Variants in TBXAS1 observed in about 807,000 individuals in gnomAD.
The protein encoded by TBXAS1 is thromboxane-A synthase.
In TBXAS1, 48 loss-of-function variants were observed where a neutral mutation model predicts 60.7. The ratio of observed to expected loss-of-function variants is 0.79; its 90% CI spans 0.63 to 1.01. The LOEUF (loss-of-function observed/expected upper bound fraction) is 1.01. Among genes scored for constraint, TBXAS1 ranks in the 50% least tolerant of loss-of-function variants. The probability of loss-of-function intolerance (pLI) is 0.00; values close to 1 mark genes in which losing one functional copy is unlikely to be tolerated. For missense variants in TBXAS1, 685 were observed against 686.3 expected (o/e 1.00, Z 0.02); for synonymous variants, 287 against 269.7 (o/e 1.06, Z -0.63).
At chr7:139,782,779 G>A (rs1213236628) in intron 3 of TBXAS1, 1 of 152,054 alleles carries the variant, frequency 6.6e-6, no homozygotes, top group African/African-American at 2.4e-5. Context: ...CTCTCTTTTG[G>A]TCTCTTGCTG....
At chr7:139,936,155 C>T (rs373742722) in intron 4 of TBXAS1, 36 bp from the exon 5 acceptor site, 2 of 1,611,266 alleles carry the variant, frequency 1.2e-6, no homozygotes, top group African/African-American at 2.7e-5. Flanking sequence ...CTTTGGCTCC[C>T]TGAGTCCTGA....
intron 2 of TBXAS1, among the ~76,000 whole-genome samples, chr7:139,873,708 A>T (rs949148610): frequency 7.2e-5 from 11 of 152,210 alleles, no homozygotes; most frequent in Admixed American, 6.5e-5. Flanking sequence ...GAAATGGCCA[A>T]CAGACATTTG....
intron 6 of TBXAS1, among the ~76,000 whole-genome samples, chr7:139,954,351 A>G (rs1389322384): frequency 6.6e-6 from 1 of 152,260 alleles, no homozygotes; most frequent in Non-Finnish European, 1.5e-5. Context: ...CTCATCAGCT[A>G]TAAAAGCAAA....
intron 9 of TBXAS1, among the ~76,000 whole-genome samples, chr7:139,996,011 T>C (rs897636657): frequency 7.2e-5 from 11 of 152,164 alleles, no homozygotes; most frequent in African/African-American, 2.7e-4. Context: ...TCTTCTTCAT[T>C]ATTATCATTA....
intron 4 of TBXAS1, among the ~76,000 whole-genome samples, chr7:139,790,625 A>C (rs1020426461): frequency 6.6e-6 from 1 of 152,232 alleles, no homozygotes; most frequent in African/African-American, 2.4e-5. Context: ...AACTAAATGA[A>C]TGTACATAGT....
At chr7:139,904,917 G>A (rs777395055) in intron 3 of TBXAS1, among the ~76,000 whole-genome samples, 2 of 151,872 alleles carry the variant, frequency 1.3e-5, no homozygotes, top group Non-Finnish European at 2.9e-5. Context: ...CCTCTTTAGC[G>A]ATACGGATGC....
intron 4 of TBXAS1, among the ~76,000 whole-genome samples, chr7:139,792,537 A>C (rs1479250451): frequency 2.6e-5 from 4 of 152,262 alleles, no homozygotes; most frequent in Non-Finnish European, 5.9e-5. Flanking sequence ...TTGACAATGA[A>C]AACAAAACAA....
chr7:139,809,233 TGATA>T (rs55681043), intron 4 of TBXAS1, among the ~76,000 whole-genome samples: 166 of 131,086 alleles, frequency 1.3e-3, no homozygotes, highest in Middle Eastern at 7.5e-3. Flanking sequence ...GATAGATAGA[TGATA>T]GATAGATAGA....
intron 4 of TBXAS1, 140 bp from the exon 5 acceptor site, chr7:139,936,051 T>C (rs1807736945): frequency 1.2e-6 from 1 of 813,460 alleles, no homozygotes; most frequent in African/African-American, 1.7e-5. Context: ...ATAGTCTTCC[T>C]CTCTCTCCTT....
chr7:139,947,219 G>C (rs1584923457), intron 5 of TBXAS1, among the ~76,000 whole-genome samples: 1 of 152,138 alleles, frequency 6.6e-6, no homozygotes, highest in Admixed American at 6.5e-5. Context: ...ATATGGCATG[G>C]AATACTATGC....
chr7:139,790,825 C>T (rs918647332), intron 4 of TBXAS1, among the ~76,000 whole-genome samples: 2 of 152,170 alleles, frequency 1.3e-5, no homozygotes, highest in Non-Finnish European at 2.9e-5. Context: ...TTTTCTGAGA[C>T]AGGGTCTCAC....
Position 139,905,493 on chromosome 7 carries a change from T to G in TBXAS1, c.237-5732T>G, listed in dbSNP as rs1805006025. Among the ~76,000 whole-genome samples the G allele has an allele frequency of 2.0e-5, 3 of 152,218 alleles. No homozygotes were observed. In the South Asian group the frequency reaches 6.2e-4, roughly 31 times the overall value. On this transcript the variant is annotated intron_variant, in intron 3 of 12. Transcript: ENST00000448866. Reference sequence around the variant, plus strand: ...ACCTGATGTTCGTGGATTATCTTTTTGATATGTTGTTGGATTTGGTTAGCT... The same window carrying G: ...ACCTGATGTTCGTGGATTATCTTTTGGATATGTTGTTGGATTTGGTTAGCT...
chr7:139,843,962 A>C (rs1035768685), intron 1 of TBXAS1, among the ~76,000 whole-genome samples: 5 of 152,186 alleles, frequency 3.3e-5, no homozygotes, highest in Non-Finnish European at 7.3e-5. Flanking sequence ...AAGGGAAATA[A>C]ATCTTGATTC....
intron 1 of TBXAS1, among the ~76,000 whole-genome samples, chr7:139,864,623 A>T (rs945664083): frequency 4.2e-4 from 63 of 150,884 alleles, no homozygotes; most frequent in African/African-American, 1.3e-3. Flanking sequence ...AAGAGAAAAA[A>T]ACAAAGAGTG....
intron 1 of TBXAS1, among the ~76,000 whole-genome samples, chr7:139,834,839 C>CA (rs544210388): frequency 6.6e-6 from 1 of 151,486 alleles, no homozygotes; most frequent in Non-Finnish European, 1.5e-5. Context: ...AAATTACCAA[C>CA]AAAAAAAAGT....
At chr7:139,796,702 G>A (rs1358688904) in intron 4 of TBXAS1, among the ~76,000 whole-genome samples, 1 of 152,192 alleles carries the variant, frequency 6.6e-6, no homozygotes, top group Non-Finnish European at 1.5e-5. Flanking sequence ...ATTAATGTAA[G>A]ATGTTAATGA....
At chr7:139,784,601 G>T (rs538744038) in intron 3 of TBXAS1, among the ~76,000 whole-genome samples, 1 of 152,320 alleles carries the variant, frequency 6.6e-6, no homozygotes, top group South Asian at 2.1e-4. Flanking sequence ...TGAATGTCTA[G>T]GATATGTAAG....
rs1323328723 is a variant in TBXAS1 at position 139,875,667 on chromosome 7, G to C, written c.236+30G>C. The stretch of plus-strand genomic sequence containing the variant: ...GAAGGAAACTCAACGTTTCTATTAT[G>C]TACGATATTTTCTATTATGTACGAT... On this transcript the variant is annotated intron_variant, in intron 3 of 12. Transcript: ENST00000448866. 3.1e-6 allele frequency: 5 copies of C among 1,613,278 alleles called. No homozygotes were observed. The South Asian group carries it at 5.5e-5, about 18-fold the overall frequency.
intron 3 of TBXAS1, among the ~76,000 whole-genome samples, chr7:139,902,220 C>A (rs967653642): frequency 2.0e-5 from 3 of 151,792 alleles, no homozygotes; most frequent in African/African-American, 7.3e-5. Flanking sequence ...AAAGACTATC[C>A]TATGACCATA....
Sources: gnomAD v4.1 joint callset for allele counts (sites outside exome capture counted in the v4.1 genomes callset) on GRCh38, gnomAD v4.1.1 for gene constraint, MANE v1.5 for transcripts, NCBI Gene and HGNC (gene_info 2026-07-23, HGNC 2026-07-21) for gene names.